The following IRF2 variants were observed in gnomAD, a reference collection of about 807,000 sequenced individuals.
IRF2 encodes interferon regulatory factor 2.
IRF2 carries 15 observed loss-of-function variants against 40.6 expected under a neutral mutation model. The ratio of observed to expected loss-of-function variants is 0.37; its 90% confidence interval spans 0.25 to 0.57. The LOEUF (loss-of-function observed/expected upper bound fraction) is 0.57. IRF2 is among the 20% of genes least tolerant of loss of function. The probability of loss-of-function intolerance (pLI) is 0.77; values close to 1 mark genes in which losing one functional copy is unlikely to be tolerated. For synonymous variants in IRF2, 151 were observed against 165.5 expected (o/e 0.91, Z 0.67); for missense variants, 317 against 455.7 (o/e 0.70, Z 2.77).
chr4:184,465,330 G>A (rs900136565), intron 1 of IRF2, among the ~76,000 whole-genome samples: 18 of 152,268 alleles, frequency 1.2e-4, no homozygotes, highest in Admixed American at 1.1e-3. Flanking sequence ...CCTCCTCCTC[G>A]GCAGCACCCA....
intron 6 of IRF2, among the ~76,000 whole-genome samples, chr4:184,406,933 C>T (rs972473852): frequency 1.3e-5 from 2 of 152,202 alleles, no homozygotes; most frequent in East Asian, 3.8e-4. Flanking sequence ...ACAAAAATCC[C>T]AACTCCATGA....
At chr4:184,427,939 A>T (rs1224636133) in intron 2 of IRF2, among the ~76,000 whole-genome samples, 1 of 152,170 alleles carries the variant, frequency 6.6e-6, no homozygotes, top group Non-Finnish European at 1.5e-5. Flanking sequence ...TTGACTCAGA[A>T]CTGTTCTGGT....
intron 1 of IRF2, among the ~76,000 whole-genome samples, chr4:184,432,831 G>T (rs755555643): frequency 1.3e-5 from 2 of 152,202 alleles, no homozygotes; most frequent in Non-Finnish European, 2.9e-5. Context: ...AGCTGGAAGA[G>T]GCAAGGAAGG....
chr4:184,403,226 T>A (rs886272240), intron 6 of IRF2, among the ~76,000 whole-genome samples: 1 of 152,126 alleles, frequency 6.6e-6, no homozygotes, highest in Non-Finnish European at 1.5e-5. Context: ...ATCGAAATGC[T>A]CTCAGATGAG....
At chr4:184,430,716 G>A (rs1476084759) in intron 1 of IRF2, among the ~76,000 whole-genome samples, 1 of 151,884 alleles carries the variant, frequency 6.6e-6, no homozygotes, top group African/African-American at 2.4e-5. Flanking sequence ...TTTTTCTGGA[G>A]GCAGGGTCTC....
chr4:184,409,778 T>C (rs533529140), intron 5 of IRF2, among the ~76,000 whole-genome samples: 1 of 151,908 alleles, frequency 6.6e-6, no homozygotes, highest in Admixed American at 6.6e-5. Flanking sequence ...CCTCTTGTCC[T>C]GGATACTTGG....
intron 1 of IRF2, among the ~76,000 whole-genome samples, chr4:184,449,519 T>C (rs565120487): frequency 2.6e-5 from 4 of 152,304 alleles, no homozygotes; most frequent in Admixed American, 6.5e-5. Flanking sequence ...GACTAAATAA[T>C]GAACTTGCTA....
Position 184,408,300 on chromosome 4 carries a change from A to C in IRF2, c.412-25T>G, listed in dbSNP as rs755357195. On this transcript the variant is annotated intron_variant, in intron 5 of 8. Transcript: ENST00000393593. This position sits in a 1 kb window ranked among gnomAD's most constrained non-coding sequence, Gnocchi z 4.9. ...GCTAGGAAGAAGAAAAGAAAAAAGA[A>C]TTGAGAACACTTCCTTTCCCCTCCC... 1.5e-5 allele frequency: 21 copies of C among 1,381,564 alleles called. No homozygotes were observed. The highest frequency in any genetic ancestry group is 2.1e-5 in the Non-Finnish European group (20 of 969,226). The allele number at this position is 1,381,564 out of a possible 1,614,324, so 85.6% of individuals were successfully genotyped here.
rs193126218 is a variant in IRF2, at chr4:184,411,310, C to T, written c.412-3035G>A. On this transcript the variant is annotated intron_variant, in intron 5 of 8. Transcript: ENST00000393593. ...CTGACCTCAGGTGATCTGCCCACCT[C>T]GGCCTCCCAAAGTGCTGGGATTACA... Among the ~76,000 whole-genome samples, 45 of 152,242 alleles carry T rather than the reference C, an allele frequency of 3.0e-4. 1 individual carries two copies. The East Asian group carries it at 7.3e-3, about 25-fold the overall frequency.
At chr4:184,452,633 C>G (rs60273004) in intron 1 of IRF2, among the ~76,000 whole-genome samples, 1 of 151,632 alleles carries the variant, frequency 6.6e-6, no homozygotes, top group African/African-American at 2.4e-5. Context: ...TAAGGCAATG[C>G]GGTGGCTCAC....
At chr4:184,457,210 G>C (rs911308085) in intron 1 of IRF2, among the ~76,000 whole-genome samples, 3 of 152,266 alleles carry the variant, frequency 2.0e-5, no homozygotes, top group African/African-American at 7.2e-5. Context: ...GACCTTGACA[G>C]AGGGGAATTT....
chr4:184,442,843 T>C (rs1433476377), intron 1 of IRF2, among the ~76,000 whole-genome samples: 1 of 132,968 alleles, frequency 7.5e-6, no homozygotes, highest in East Asian at 2.3e-4. Context: ...TACCACTTGA[T>C]ACCAAGTACT....
chr4:184,435,989 T>TC (rs1346616827), intron 1 of IRF2, among the ~76,000 whole-genome samples: 1 of 151,540 alleles, frequency 6.6e-6, no homozygotes, highest in Non-Finnish European at 1.5e-5. Flanking sequence ...TTTTTCTTTT[T>TC]TTTTTTGAGA....
intron 7 of IRF2, among the ~76,000 whole-genome samples, chr4:184,393,590 C>T (rs1485751829): frequency 6.6e-6 from 1 of 152,152 alleles, no homozygotes; most frequent in Non-Finnish European, 1.5e-5. Flanking sequence ...CTTTAAGTAC[C>T]CAGTTTTCAG....
intron 1 of IRF2, among the ~76,000 whole-genome samples, chr4:184,465,353 T>G (rs1739283021): frequency 6.6e-6 from 1 of 152,196 alleles, no homozygotes; most frequent in South Asian, 2.1e-4. Flanking sequence ...GTGTTTTTCC[T>G]AACCTTACGT....
intron 1 of IRF2, among the ~76,000 whole-genome samples, chr4:184,438,137 A>C (rs961219603): frequency 1.1e-4 from 16 of 152,192 alleles, no homozygotes; most frequent in East Asian, 5.8e-4. Context: ...TATTTCACTT[A>C]ATCTTCCAAC....
chr4:184,427,952 G>A (rs1393272672), intron 2 of IRF2, among the ~76,000 whole-genome samples: 1 of 152,200 alleles, frequency 6.6e-6, no homozygotes, highest in African/African-American at 2.4e-5. Context: ...GTTCTGGTAG[G>A]AGAGGAACTT....
intron 1 of IRF2, among the ~76,000 whole-genome samples, chr4:184,463,139 C>T (rs1484221108): frequency 6.6e-6 from 1 of 152,218 alleles, no homozygotes; most frequent in Non-Finnish European, 1.5e-5. Context: ...GAGTATGCTG[C>T]TTCTATAGAA....
At chr4:184,402,300 C>A (rs1736693711) in intron 6 of IRF2, among the ~76,000 whole-genome samples, 1 of 152,086 alleles carries the variant, frequency 6.6e-6, no homozygotes, top group African/African-American at 2.4e-5. Flanking sequence ...GGGGGTTGAG[C>A]AACAGGCAGC....
Sources: allele counts gnomAD v4.1 joint callset (sites outside exome capture counted in the v4.1 genomes callset), GRCh38; gene constraint gnomAD v4.1.1; non-coding constraint Gnocchi (gnomAD v3.1); transcripts MANE v1.5; gene names NCBI Gene and HGNC (gene_info 2026-07-23, HGNC 2026-07-21).